DYNC1I1: variants seen among roughly 807,000 people sequenced by gnomAD.
DYNC1I1 encodes the protein cytoplasmic dynein 1 intermediate chain 1.
Under a neutral mutation model 86.6 loss-of-function variants are expected in DYNC1I1, and 43 were observed. That is an observed-to-expected ratio of 0.50 (90% CI 0.39 to 0.64). The LOEUF is 0.64. Among genes scored for constraint, DYNC1I1 ranks in the 30% least tolerant of loss-of-function variants. The pLI is 0.00. For missense variants in DYNC1I1, 604 were observed against 788.8 expected (o/e 0.77, Z 2.81); for synonymous variants, 262 against 283.7 (o/e 0.92, Z 0.77).
At chr7:95,893,004 T>C (rs544786949) in intron 6 of DYNC1I1, among the ~76,000 whole-genome samples, 216 of 152,360 alleles carry the variant, frequency 1.4e-3, no homozygotes, top group African/African-American at 5.1e-3. Flanking sequence ...AACTCTTTCC[T>C]CGTGACCTTT....
At chr7:96,073,266 T>G (rs1294537377) in intron 14 of DYNC1I1, among the ~76,000 whole-genome samples, 1 of 151,934 alleles carries the variant, frequency 6.6e-6, no homozygotes, top group Non-Finnish European at 1.5e-5. Context: ...GATAAGGAGG[T>G]TGGAGAAAGG....
At chr7:95,891,526 G>C (rs1790738803) in intron 6 of DYNC1I1, among the ~76,000 whole-genome samples, 1 of 152,120 alleles carries the variant, frequency 6.6e-6, no homozygotes, top group East Asian at 1.9e-4. Context: ...TTTAATCAGG[G>C]GACACTATTG....
At chr7:96,055,471 G>T in intron 14 of DYNC1I1, among the ~76,000 whole-genome samples, 1 of 151,980 alleles carries the variant, frequency 6.6e-6, no homozygotes, top group East Asian at 1.9e-4. Context: ...TCTTATTATA[G>T]TTATTCTTTA....
intron 6 of DYNC1I1, among the ~76,000 whole-genome samples, chr7:95,890,693 G>T (rs1011178936): frequency 2.6e-5 from 4 of 152,088 alleles, no homozygotes; most frequent in African/African-American, 9.7e-5. Flanking sequence ...AGTGTGCATC[G>T]CAGTCACCAG....
intron 5 of DYNC1I1, among the ~76,000 whole-genome samples, chr7:95,868,934 T>A (rs1790087121): frequency 1.3e-5 from 2 of 149,908 alleles, no homozygotes; most frequent in Non-Finnish European, 2.9e-5. Flanking sequence ...CACGACTGGA[T>A]GTTTCCTGGG....
At chr7:95,968,797 ATC>A (rs2115565789) in intron 6 of DYNC1I1, among the ~76,000 whole-genome samples, 1 of 150,976 alleles carries the variant, frequency 6.6e-6, no homozygotes, top group Admixed American at 6.6e-5. Context: ...CAAGAATTGC[ATC>A]TTCAATTGTT....
intron 4 of DYNC1I1, among the ~76,000 whole-genome samples, chr7:95,818,341 T>C (rs1170238871): frequency 1.3e-5 from 2 of 151,732 alleles, no homozygotes; most frequent in Non-Finnish European, 2.9e-5. Context: ...AGTCTCTCTG[T>C]CACCCAGGCA....
chr7:95,913,859 A>G (rs1278968955), intron 6 of DYNC1I1, among the ~76,000 whole-genome samples: 1 of 152,194 alleles, frequency 6.6e-6, no homozygotes, highest in Non-Finnish European at 1.5e-5. Context: ...ATATCAGAGT[A>G]TTTGCATGGA....
At position 96,032,528 on chromosome 7, in the gene DYNC1I1, C is replaced by T. The variant is rs190309923; in HGVS notation, c.1117-139C>T. On this transcript the variant is annotated intron_variant, in intron 11 of 16. Coordinates refer to ENST00000447467, the MANE Select transcript of DYNC1I1 (RefSeq NM_001135556.2). ...AAAGAAATCAGGTTCAAATCAAAAGCGGCAAATGACCTGACGCTTGTATTA... is the reference window on the plus strand; with the variant it reads ...AAAGAAATCAGGTTCAAATCAAAAGTGGCAAATGACCTGACGCTTGTATTA... 9.0e-5 allele frequency: 56 copies of T among 619,704 alleles called. 3 individuals carry two copies. The highest frequency in any genetic ancestry group is 8.9e-4 in the South Asian group (37 of 41,764). 38.4% of individuals were successfully genotyped at this position (619,704 alleles called of 1,614,324 possible). A position where few individuals can be genotyped will look rare whatever the true frequency, so the allele number is the denominator to read the frequency against.
At chr7:95,878,962 A>AC (rs1180719260) in intron 6 of DYNC1I1, among the ~76,000 whole-genome samples, 70 of 151,822 alleles carry the variant, frequency 4.6e-4, no homozygotes, top group African/African-American at 1.4e-3. Flanking sequence ...AAAAAAAAAA[A>AC]AACAACTATC....
At chr7:95,919,859 G>T (rs1028617194) in intron 6 of DYNC1I1, among the ~76,000 whole-genome samples, 2 of 152,130 alleles carry the variant, frequency 1.3e-5, no homozygotes, top group African/African-American at 2.4e-5. Flanking sequence ...AATGAATAGC[G>T]TATTATTGGA....
intron 6 of DYNC1I1, among the ~76,000 whole-genome samples, chr7:95,934,884 A>T (rs988741381): frequency 3.3e-5 from 5 of 151,932 alleles, no homozygotes; most frequent in African/African-American, 1.2e-4. Context: ...TAGCATCTCA[A>T]AGTTAAGAAA....
intron 12 of DYNC1I1, among the ~76,000 whole-genome samples, chr7:96,034,523 C>T (rs957333577): frequency 9.2e-5 from 14 of 152,148 alleles, no homozygotes; most frequent in African/African-American, 3.1e-4. Context: ...ATAGGGGCAT[C>T]CAACAGTTGG....
At chr7:95,975,631 G>A (rs191703585) in intron 6 of DYNC1I1, among the ~76,000 whole-genome samples, 2 of 152,122 alleles carry the variant, frequency 1.3e-5, no homozygotes, top group South Asian at 2.1e-4. Flanking sequence ...AGGTACTGGG[G>A]TTTATTACTT....
Position 95,936,954 on chromosome 7 carries a change from T to TCACACACACACACACACA in DYNC1I1, c.491-40557_491-40556insACACACACACACACACAC, listed in dbSNP as rs1491214381. On this transcript the variant is annotated intron_variant, in intron 6 of 16. Transcript: ENST00000447467. ...CACAAAGGAATGGATAAAGAATATG[T>TCACACACACACACACACA]CTCACACACACACACACACACACAC... Among the ~76,000 whole-genome samples, 229 of 32,538 alleles carry TCACACACACACACACACA rather than the reference T, an allele frequency of 7.0e-3. 2 individuals are homozygous for TCACACACACACACACACA. The highest frequency in any genetic ancestry group is 0.014 in the East Asian group (15 of 1,040). 21.3% of individuals were successfully genotyped at this position (32,538 alleles called of 152,430 possible).
intron 16 of DYNC1I1, among the ~76,000 whole-genome samples, chr7:96,081,351 C>G (rs139922124): frequency 2.3e-3 from 348 of 151,386 alleles, no homozygotes; most frequent in Middle Eastern, 0.017. Flanking sequence ...ACAACTACAC[C>G]TTTTATTTCA....
At chr7:96,019,295 AT>A (rs1309418805) in intron 10 of DYNC1I1, among the ~76,000 whole-genome samples, 1 of 151,784 alleles carries the variant, frequency 6.6e-6, no homozygotes, top group African/African-American at 2.4e-5. Flanking sequence ...CTGAAATTTT[AT>A]ATCCTTTGAC....
intron 10 of DYNC1I1, among the ~76,000 whole-genome samples, chr7:96,027,641 G>C (rs966213775): frequency 2.0e-5 from 3 of 152,194 alleles, no homozygotes; most frequent in African/African-American, 7.2e-5. Context: ...AATTGGATCA[G>C]TCTGAGGTCA....
At chr7:95,992,530 A>G (rs931438579) in intron 9 of DYNC1I1, among the ~76,000 whole-genome samples, 1 of 152,170 alleles carries the variant, frequency 6.6e-6, no homozygotes, top group Non-Finnish European at 1.5e-5. Flanking sequence ...TGCCTACCTT[A>G]GAGGGTTATG....
Sources: allele counts gnomAD v4.1 joint callset (sites outside exome capture counted in the v4.1 genomes callset), GRCh38; gene constraint gnomAD v4.1.1; transcripts MANE v1.5; gene names NCBI Gene and HGNC (gene_info 2026-07-23, HGNC 2026-07-21).